Variants in LILRB4 observed in about 807,000 individuals in gnomAD.
LILRB4 encodes leukocyte immunoglobulin-like receptor subfamily B member 4.
A neutral mutation model predicts 55.2 loss-of-function variants in LILRB4; 49 were observed. That is an observed-to-expected ratio of 0.89 (90% CI 0.71 to 1.13). The LOEUF is 1.13. Among genes scored for constraint, LILRB4 ranks in the 50% most tolerant of loss-of-function variants. LILRB4 has a pLI of 0.00. For missense variants in LILRB4, 590 were observed against 555.2 expected, an observed-to-expected ratio of 1.06 and a Z score of -0.63; for synonymous variants, 229 against 213.8, an observed-to-expected ratio of 1.07 and a Z score of -0.62.
At position 54,664,299 on chromosome 19, in the gene LILRB4, A is replaced by T. The variant is rs935240992; in HGVS notation, c.469A>T (p.Lys157Ter). 1.2e-6 allele frequency: 2 copies of T among 1,614,070 alleles called. No individual in the cohort carries two copies. Among genetic ancestry groups the T allele is most frequent in the African/African-American group, 2.7e-5 (2 of 75,038 alleles). Residue 157 changes from lysine (K) to a stop codon, truncating the protein, a stop_gained, in exon 4 of 12, where the codon AAG (lysine) becomes TAG (stop). Coordinates refer to ENST00000430952, the Ensembl canonical transcript of LILRB4. LOFTEE classifies it high-confidence loss of function. The stretch of plus-strand genomic sequence containing the variant: ...CCCAATGGACACTTTTCTTCTGATC[A>T]AGGAGCGGGCAGCCCATCCCCTACT...
At position 54,665,030 on chromosome 19, in the gene LILRB4, G is replaced by C. The variant is rs982591643; in HGVS notation, c.707-100G>C. ...CAAGGCCCTGAGGCTGGGCTGGTGA[G>C]GGGTGAGGGGGTCAAGGCTGAAGGA... On this transcript the variant is annotated intron_variant, in intron 5 of 11. Coordinates refer to ENST00000430952, the Ensembl canonical transcript of LILRB4. The surrounding 1 kb of genome is among the most constrained non-coding windows in gnomAD (Gnocchi z 5.5). 10 of 1,486,644 alleles carry C rather than the reference G, an allele frequency of 6.7e-6. No individual in the cohort carries two copies. The highest frequency in any genetic ancestry group is 1.7e-4 in the Middle Eastern group (1 of 5,840). 92.1% of individuals were successfully genotyped at this position (1,486,644 alleles called of 1,614,324 possible). A position where few individuals can be genotyped will look rare whatever the true frequency, so the allele number is the denominator to read the frequency against.
intron 1 of LILRB4, 112 bp downstream of exon 1, chr19:54,663,179 G>T (rs1190259296): frequency 8.1e-7 from 1 of 1,240,426 alleles, no homozygotes; most frequent in East Asian, 2.4e-5. Context: ...GGGCGCGGTG[G>T]CTCACGCCTG....
chr19:54,666,507 C>CA lies in LILRB4; in HGVS notation c.988+72dup. 2 of 1,556,640 alleles carry CA rather than the reference C, an allele frequency of 1.3e-6. No individual in the cohort carries two copies. Among genetic ancestry groups the CA allele is most frequent in the East Asian group, 4.5e-5 (2 of 44,604 alleles). On this transcript the variant is annotated intron_variant, in intron 9 of 11. Coordinates refer to ENST00000430952, the Ensembl canonical transcript of LILRB4. The surrounding 1 kb of genome is among the most constrained non-coding windows in gnomAD (Gnocchi z 4.8). The stretch of plus-strand genomic sequence containing the variant: ...CCCAAAATTTCAATAGCAATGGGGG[C>CA]AGGAGCACAGGCTAGGATTGGTCAG...
At chr19:54,667,559 C>G in intron 10 of LILRB4, 76 bp from the exon 11 acceptor site, 1 of 1,593,788 alleles carries the variant, frequency 6.3e-7, no homozygotes, top group Non-Finnish European at 8.5e-7. Context: ...TCGGATCACC[C>G]TGGGAACAGT....
Position 54,664,435 on chromosome 19 carries a change from C to T in LILRB4, c.605C>T (p.Ser202Phe), listed in dbSNP as rs142773263. The T allele has an allele frequency of 2.7e-5, 44 of 1,602,962 alleles. No individual in the cohort carries two copies. In the African/African-American group the frequency reaches 4.5e-4, roughly 16 times the overall value. Reference sequence around the variant, plus strand: ...AGGTGCTTCAGCTCACACGGCTTCTCCCACTACCTGCTGTCACACCCCAGT... The same window carrying T: ...AGGTGCTTCAGCTCACACGGCTTCTTCCACTACCTGCTGTCACACCCCAGT... The change falls in exon 4 of 12, where the codon TCC (serine) becomes TTC (phenylalanine). Residue 202 changes from serine (S) to phenylalanine (F), a missense_variant. Transcript: ENST00000430952.
chr19:54,667,664 A>T (rs1397354117), exon 11 of LILRB4: 3 of 1,610,606 alleles, frequency 1.9e-6, no homozygotes, highest in Non-Finnish European at 2.5e-6. Context: ...ACCCCCAGGC[A>T]GTGACGTATG....
In LILRB4 at chr19:54,665,289, C is replaced by G. The variant is rs934912220; in HGVS notation, c.757+109C>G. 5 of 1,359,190 alleles carry G rather than the reference C, an allele frequency of 3.7e-6. No individual in the cohort carries two copies. Among genetic ancestry groups the G allele is most frequent in the Middle Eastern group, 2.4e-4 (1 of 4,140 alleles). The allele number at this position is 1,359,190 out of a possible 1,614,324, so 84.2% of individuals were successfully genotyped here. Reference sequence around the variant, plus strand: ...AGGTGGTGATGTGGACAGGCCCCTCCCCTGCATGGGCCTCAGTTTCTCCAA... The same window carrying G: ...AGGTGGTGATGTGGACAGGCCCCTCGCCTGCATGGGCCTCAGTTTCTCCAA... On this transcript the variant is annotated intron_variant, in intron 6 of 11. Coordinates refer to ENST00000430952, the Ensembl canonical transcript of LILRB4. This position sits in a 1 kb window ranked among gnomAD's most constrained non-coding sequence, Gnocchi z 5.5.
chr19:54,664,083 G>A, intron 3 of LILRB4, 45 bp downstream of exon 3: 5 of 1,606,430 alleles, frequency 3.1e-6, no homozygotes, highest in Non-Finnish European at 4.3e-6. Flanking sequence ...CTGCCCTCAG[G>A]AAGGGGGTCA....
intron 1 of LILRB4, 66 bp downstream of exon 1, chr19:54,663,133 T>C: frequency 1.3e-6 from 2 of 1,562,306 alleles, no homozygotes; most frequent in Admixed American, 3.6e-5. Flanking sequence ...AGCCAGGCCC[T>C]GGTTCTTTAG....
Position 54,665,170 on chromosome 19 carries a change from C to T in LILRB4, c.747C>T (p.Val249=), listed in dbSNP as rs775178366. The change falls in exon 6 of 12, where the codon GTC becomes GTT. Residue 249 remains valine (V), a synonymous_variant. Transcript: ENST00000430952. This position sits in a 1 kb window ranked among gnomAD's most constrained non-coding sequence, Gnocchi z 5.5. ...AGCCCCTCATGCCTACAGGGTCAGT[C>T]CCCCACAGTGGTGAGTGAGGGGCTC... The T allele has an allele frequency of 8.7e-6, 14 of 1,602,464 alleles. No individual in the cohort carries two copies. In the Admixed American group the frequency reaches 1.2e-4, roughly 14 times the overall value.
chr19:54,667,929 C>T, exon 12 of LILRB4: 1 of 1,613,574 alleles, frequency 6.2e-7, no homozygotes, highest in Non-Finnish European at 8.5e-7. Context: ...ACAGCTTTAC[C>T]CTCAGACAGA....
In LILRB4 at chr19:54,666,522, G is replaced by A. The variant is rs1006314896; in HGVS notation, c.988+86G>A. On this transcript the variant is annotated intron_variant, in intron 9 of 11. Transcript: ENST00000430952. The surrounding 1 kb of genome is among the most constrained non-coding windows in gnomAD (Gnocchi z 4.8). ...GCAATGGGGGCAGGAGCACAGGCTA[G>A]GATTGGTCAGGGACTCAGGGAGAAG... is the stretch of plus-strand genomic sequence containing the variant. 6.5e-7 allele frequency: 1 copy of A among 1,532,110 alleles called. No homozygotes were observed. The allele number at this position is 1,532,110 out of a possible 1,614,324, so 94.9% of individuals were successfully genotyped here. A position where few individuals can be genotyped will look rare whatever the true frequency, so the allele number is the denominator to read the frequency against.
exon 5 of LILRB4, chr19:54,664,822 T>G (rs755952600): frequency 1.3e-5 from 21 of 1,607,988 alleles, no homozygotes; most frequent in Non-Finnish European, 1.7e-5. Context: ...TCCCAGGCCC[T>G]CACCCACAAG....
intron 1 of LILRB4, among the ~76,000 whole-genome samples, chr19:54,663,314 C>T (rs1318403665): frequency 2.0e-5 from 3 of 151,898 alleles, no homozygotes; most frequent in Non-Finnish European, 4.4e-5. Context: ...GGGGTGGTTG[C>T]AGGCGCCTGT....
chr19:54,666,509 G>A lies in LILRB4; in HGVS notation c.988+73G>A. 6.4e-7 allele frequency: 1 copy of A among 1,561,174 alleles called. No homozygotes were observed. Among genetic ancestry groups the A allele is most frequent in the Non-Finnish European group, 8.8e-7 (1 of 1,136,860 alleles). ...CAAAATTTCAATAGCAATGGGGGCA[G>A]GAGCACAGGCTAGGATTGGTCAGGG... On this transcript the variant is annotated intron_variant, in intron 9 of 11. Transcript: ENST00000430952. The surrounding 1 kb of genome is among the most constrained non-coding windows in gnomAD (Gnocchi z 4.8).
At position 54,666,519 on chromosome 19, in the gene LILRB4, C is replaced by T. The variant is rs546554992; in HGVS notation, c.988+83C>T. On this transcript the variant is annotated intron_variant, in intron 9 of 11. Coordinates refer to ENST00000430952, the Ensembl canonical transcript of LILRB4. This position sits in a 1 kb window ranked among gnomAD's most constrained non-coding sequence, Gnocchi z 4.8. ...ATAGCAATGGGGGCAGGAGCACAGG[C>T]TAGGATTGGTCAGGGACTCAGGGAG... 6.5e-6 allele frequency: 10 copies of T among 1,541,680 alleles called. No individual in the cohort carries two copies. The highest frequency in any genetic ancestry group is 2.7e-5 in the African/African-American group (2 of 73,530).
At chr19:54,667,469 A>G (rs2569715) in intron 10 of LILRB4, 166 bp from the exon 11 acceptor site, 446,775 of 1,312,078 alleles carry the variant, frequency 0.34, 76,959 homozygotes, top group East Asian at 0.49. Context: ...AGGAGCAGAG[A>G]CCAGAACCAC....
chr19:54,667,410 T>C, intron 10 of LILRB4: 2 of 923,320 alleles, frequency 2.2e-6, no homozygotes, highest in Non-Finnish European at 3.2e-6. Flanking sequence ...CAGCGAGCTC[T>C]TGCAGGAAGG....
Position 54,664,601 on chromosome 19 carries a change from C to T in LILRB4, c.655+116C>T. On this transcript the variant is annotated intron_variant, in intron 4 of 11. Transcript: ENST00000430952. ...GGCTCAGCCAGTGGGGGACTCAGCC[C>T]TCAGAGGGGAGGAGGACAACAGGGG... 6 of 1,206,906 alleles carry T rather than the reference C, an allele frequency of 5.0e-6. No homozygotes were observed. The South Asian group carries it at 7.5e-5, about 15-fold the overall frequency. The allele number at this position is 1,206,906 out of a possible 1,614,324, so 74.8% of individuals were successfully genotyped here. A position where few individuals can be genotyped will look rare whatever the true frequency, so the allele number is the denominator to read the frequency against.
Sources: allele counts gnomAD v4.1 joint callset (sites outside exome capture counted in the v4.1 genomes callset), GRCh38; gene constraint gnomAD v4.1.1; non-coding constraint Gnocchi (gnomAD v3.1); transcripts MANE v1.5; gene names NCBI Gene and HGNC (gene_info 2026-07-23, HGNC 2026-07-21).